Variants in THSD7A observed in about 807,000 individuals in gnomAD.
The protein encoded by THSD7A is thrombospondin type 1 domain containing 7A, also known as thrombospondin type-1 domain-containing protein 7A.
Under a neutral mutation model 231.3 loss-of-function variants are expected in THSD7A, and 96 were observed. The ratio of observed to expected loss-of-function variants is 0.41; its 90% confidence interval spans 0.35 to 0.49. The LOEUF (loss-of-function observed/expected upper bound fraction) is 0.49, where lower values mean the gene tolerates loss of function less well. Among genes scored for constraint, THSD7A ranks in the 20% least tolerant of loss-of-function variants. THSD7A has a pLI of 0.05. For synonymous variants in THSD7A, 940 were observed against 743.3 expected (o/e 1.26, Z -4.30); for missense variants, 2,290 against 2,070.2 (o/e 1.11, Z -2.06).
chr7:11,730,922 A>T (rs1365345286), intron 1 of THSD7A, among the ~76,000 whole-genome samples: 1 of 151,678 alleles, frequency 6.6e-6, no homozygotes, highest in African/African-American at 2.4e-5. Flanking sequence ...CGCTATGACA[A>T]CTTTCAATTT....
intron 2 of THSD7A, among the ~76,000 whole-genome samples, chr7:11,595,182 C>T (rs1008112787): frequency 6.6e-6 from 1 of 152,132 alleles, no homozygotes; most frequent in Non-Finnish European, 1.5e-5. Context: ...CCCCCAACAC[C>T]CCTGTTTGCT....
intron 1 of THSD7A, among the ~76,000 whole-genome samples, chr7:11,771,482 G>A (rs1175945903): frequency 6.6e-6 from 1 of 152,200 alleles, no homozygotes; most frequent in African/African-American, 2.4e-5. Flanking sequence ...ATTGAGAAAT[G>A]AAGTGGTAAC....
At chr7:11,738,120 C>G (rs1534234) in intron 1 of THSD7A, among the ~76,000 whole-genome samples, 49,119 of 151,882 alleles carry the variant, frequency 0.32, 8,177 homozygotes, top group African/African-American at 0.41. Context: ...TCTATGTTCA[C>G]TTAATCATTA....
In THSD7A at chr7:11,406,976, G is replaced by C; in HGVS notation, c.3996C>G (p.Ser1332=). Residue 1332 remains serine, a synonymous_variant, in exon 21 of 28, where the codon TCC becomes TCG. Transcript: ENST00000423059. This position sits in a 1 kb window ranked among gnomAD's most constrained non-coding sequence, Gnocchi z 4.7. ...AACAAGGCTTCACTGGGCAGGGTTTGGACTGGTCCATCAGGGAAGGGCATG... is the reference window on the plus strand; with the variant it reads ...AACAAGGCTTCACTGGGCAGGGTTTCGACTGGTCCATCAGGGAAGGGCATG... The part of the protein sequence containing the change: ...GRPCPSLMDQ[S]KPCPVKPCYR... The C allele has an allele frequency of 1.2e-6, 2 of 1,613,860 alleles. No homozygotes were observed. Among genetic ancestry groups the C allele is most frequent in the Non-Finnish European group, 1.7e-6 (2 of 1,179,846 alleles).
chr7:11,588,797 G>C (rs1780027486), intron 4 of THSD7A, among the ~76,000 whole-genome samples: 1 of 152,164 alleles, frequency 6.6e-6, no homozygotes, highest in Non-Finnish European at 1.5e-5. Flanking sequence ...CTACTTAAGA[G>C]TGTTAAAATG....
chr7:11,727,328 C>T (rs943153934), intron 1 of THSD7A, among the ~76,000 whole-genome samples: 4 of 151,864 alleles, frequency 2.6e-5, no homozygotes, highest in Non-Finnish European at 5.9e-5. Context: ...TTTTCTAGGC[C>T]ATTTTACTTT....
chr7:11,821,484 A>C (rs1784872160), intron 1 of THSD7A, among the ~76,000 whole-genome samples: 1 of 152,140 alleles, frequency 6.6e-6, no homozygotes, highest in South Asian at 2.1e-4. Flanking sequence ...AAAAGAGAAA[A>C]CAGAACATGT....
intron 4 of THSD7A, among the ~76,000 whole-genome samples, chr7:11,582,920 T>G (rs1034981706): frequency 7.1e-6 from 1 of 141,580 alleles, no homozygotes; most frequent in African/African-American, 2.8e-5. Context: ...TAATTCTGTA[T>G]ATCTGTGTTT....
chr7:11,700,833 C>T (rs949145757), intron 1 of THSD7A, among the ~76,000 whole-genome samples: 4 of 150,546 alleles, frequency 2.7e-5, no homozygotes, highest in Non-Finnish European at 5.9e-5. Flanking sequence ...TAAATTTCAT[C>T]TCCATGTAAT....
At position 11,626,430 on chromosome 7, in the gene THSD7A, C is replaced by A. The variant is rs186896458; in HGVS notation, c.1022+9700G>T. ...TACAACTTTTCATATATCAAGCATA[C>A]CCCAATAATGTGATTTTAAAAATAC... is the stretch of plus-strand genomic sequence containing the variant. On this transcript the variant is annotated intron_variant, in intron 2 of 27. Transcript: ENST00000423059. Among the ~76,000 whole-genome samples, 29 of 152,080 alleles carry A rather than the reference C, an allele frequency of 1.9e-4. No homozygotes were observed. The East Asian group carries it at 5.6e-3, about 29-fold the overall frequency.
In THSD7A at chr7:11,632,841, A is replaced by C. The variant is rs911905686; in HGVS notation, c.1022+3289T>G. On this transcript the variant is annotated intron_variant, in intron 2 of 27. Transcript: ENST00000423059. This position sits in a 1 kb window ranked among gnomAD's most constrained non-coding sequence, Gnocchi z 4.1. ...ATGTGTGAATCAAGGTCTTCTTTTA[A>C]TTTCAGGAAAGTCTTATCCTTGTAT... Among the ~76,000 whole-genome samples the C allele has an allele frequency of 2.0e-5, 3 of 152,108 alleles. No homozygotes were observed. The highest frequency in any genetic ancestry group is 4.4e-5 in the Non-Finnish European group (3 of 68,008).
At chr7:11,787,009 T>C (rs1392142498) in intron 1 of THSD7A, among the ~76,000 whole-genome samples, 2 of 152,076 alleles carry the variant, frequency 1.3e-5, no homozygotes, top group African/African-American at 2.4e-5. Context: ...GTTACCAACA[T>C]TTAAGCATTA....
chr7:11,570,078 G>A (rs1379909024), intron 4 of THSD7A, among the ~76,000 whole-genome samples: 1 of 152,116 alleles, frequency 6.6e-6, no homozygotes, highest in Non-Finnish European at 1.5e-5. Flanking sequence ...AGACTGAGTT[G>A]GGAGGATTGC....
At chr7:11,548,389 G>A (rs375394292) in intron 4 of THSD7A, among the ~76,000 whole-genome samples, 19 of 151,914 alleles carry the variant, frequency 1.3e-4, no homozygotes, top group African/African-American at 4.6e-4. Flanking sequence ...ACCACAAAAG[G>A]GCTTGGAGTA....
intron 11 of THSD7A, among the ~76,000 whole-genome samples, chr7:11,455,098 C>G (rs1395709018): frequency 6.6e-6 from 1 of 151,178 alleles, no homozygotes; most frequent in Non-Finnish European, 1.5e-5. Context: ...CTCTCTCTGT[C>G]TCTCTCTCTC....
intron 2 of THSD7A, among the ~76,000 whole-genome samples, chr7:11,609,855 A>T (rs1482114400): frequency 6.6e-6 from 1 of 152,104 alleles, no homozygotes; most frequent in Non-Finnish European, 1.5e-5. Flanking sequence ...ACTGGAAGAA[A>T]AAGAAACAAT....
chr7:11,793,966 T>C (rs992842769), intron 1 of THSD7A, among the ~76,000 whole-genome samples: 4 of 151,912 alleles, frequency 2.6e-5, no homozygotes, highest in African/African-American at 9.7e-5. Flanking sequence ...TCTAAAGTTT[T>C]GGAAACTAGG....
rs562734879 is a variant in THSD7A at position 11,823,937 on chromosome 7, C to G, written c.190+7820G>C. Reference sequence around the variant, plus strand: ...TGCGACGTACACCAAGAAAGACAGACAAGATATAAACAGTAGTGTTTTTTA... The same window carrying G: ...TGCGACGTACACCAAGAAAGACAGAGAAGATATAAACAGTAGTGTTTTTTA... On this transcript the variant is annotated intron_variant, in intron 1 of 27. Transcript: ENST00000423059. Among the ~76,000 whole-genome samples the G allele has an allele frequency of 1.1e-4, 17 of 151,832 alleles. 1 individual carries two copies. In the South Asian group the frequency reaches 3.3e-3, roughly 30 times the overall value.
At chr7:11,391,120 C>A (rs1477576357) in intron 23 of THSD7A, among the ~76,000 whole-genome samples, 4 of 152,236 alleles carry the variant, frequency 2.6e-5, no homozygotes, top group African/African-American at 7.2e-5. Flanking sequence ...AGATCAAATG[C>A]TGTGCTGGGA....
Sources: gnomAD v4.1 joint callset for allele counts (sites outside exome capture counted in the v4.1 genomes callset) on GRCh38, gnomAD v4.1.1 for gene constraint, Gnocchi (gnomAD v3.1) non-coding constraint, MANE v1.5 for transcripts, NCBI Gene and HGNC (gene_info 2026-07-23, HGNC 2026-07-21) for gene names.